The following SIMC1 variants were observed in gnomAD, a reference collection of about 807,000 sequenced individuals.
SIMC1 encodes the protein SUMO interacting motifs containing 1.
SIMC1 carries 55 observed loss-of-function variants against 82.3 expected under a neutral mutation model. The observed-to-expected ratio is 0.67, with a 90% CI of 0.54 to 0.84. The LOEUF is 0.84. Ranked by LOEUF, SIMC1 falls within the 40% of genes least tolerant of loss-of-function variation. The pLI, the probability that SIMC1 is intolerant of heterozygous loss-of-function variation, is 0.00. For synonymous variants in SIMC1, 353 were observed against 426.3 expected (o/e 0.83, Z 2.12); for missense variants, 915 against 1,107.2 (o/e 0.83, Z 2.46).
chr5:176,244,908 A>G (rs1176983822), intron 1 of SIMC1, among the ~76,000 whole-genome samples: 2 of 151,534 alleles, frequency 1.3e-5, no homozygotes, highest in Non-Finnish European at 1.5e-5. Context: ...TTTAGTAGAG[A>G]CAGGGTTTTA....
rs779513922 is a variant in SIMC1, at chr5:176,337,052, ATC to A, written c.2329-6_2329-5del. ...GCATTTATTATCAATCCATTTTACT[ATC>A]TCTGCAGTCAGATAAAAGCCAGTGG... On this transcript the variant is annotated splice_polypyrimidine_tract_variant and splice_region_variant and intron_variant, in intron 8 of 9. Coordinates refer to ENST00000429602, the MANE Select transcript of SIMC1 (RefSeq NM_001308195.2). 22 of 1,613,280 alleles carry A rather than the reference ATC, an allele frequency of 1.4e-5. No individual in the cohort carries two copies. The African/African-American group carries it at 2.1e-4, about 16-fold the overall frequency.
intron 6 of SIMC1, among the ~76,000 whole-genome samples, chr5:176,323,099 G>A (rs777278524): frequency 2.6e-5 from 4 of 152,180 alleles, no homozygotes; most frequent in Non-Finnish European, 4.4e-5. Context: ...AATTCACAAT[G>A]TTATAATCTG....
chr5:176,320,157 A>G (rs540358754), intron 5 of SIMC1, among the ~76,000 whole-genome samples: 1 of 152,272 alleles, frequency 6.6e-6, no homozygotes, highest in South Asian at 2.1e-4. Context: ...TGCATTCAGC[A>G]TGCCTATGTT....
At chr5:176,252,983 T>C (rs1198215579) in intron 1 of SIMC1, among the ~76,000 whole-genome samples, 1 of 152,056 alleles carries the variant, frequency 6.6e-6, no homozygotes, top group Admixed American at 6.5e-5. Context: ...ACCAAAAAAA[T>C]ACGAAAACCA....
chr5:176,343,769 TTTC>T (rs1581341737), intron 9 of SIMC1, among the ~76,000 whole-genome samples: 1 of 151,902 alleles, frequency 6.6e-6, no homozygotes, highest in African/African-American at 2.4e-5. Flanking sequence ...TCACGAAACT[TTTC>T]TTTTTTTGTT....
At chr5:176,252,888 A>G (rs1040338350) in intron 1 of SIMC1, among the ~76,000 whole-genome samples, 18 of 152,338 alleles carry the variant, frequency 1.2e-4, no homozygotes, top group Non-Finnish European at 2.1e-4. Flanking sequence ...CTGCAATCCC[A>G]GCACCTCGGG....
intron 1 of SIMC1, among the ~76,000 whole-genome samples, chr5:176,248,512 G>T (rs1761528296): frequency 6.6e-6 from 1 of 152,118 alleles, no homozygotes. Flanking sequence ...TTTAGGCTGA[G>T]ACGATAGTGT....
intron 5 of SIMC1, among the ~76,000 whole-genome samples, chr5:176,314,904 T>C (rs1187118025): frequency 1.3e-5 from 2 of 152,248 alleles, no homozygotes; most frequent in Non-Finnish European, 2.9e-5. Flanking sequence ...TTCAACACTT[T>C]ATTATAAAAT....
At chr5:176,273,186 G>A (rs1762521985) in intron 1 of SIMC1, among the ~76,000 whole-genome samples, 1 of 152,234 alleles carries the variant, frequency 6.6e-6, no homozygotes, top group Non-Finnish European at 1.5e-5. Context: ...CCTCCCAGTA[G>A]AGGCTGACTG....
At chr5:176,327,275 C>A (rs1376687962) in intron 7 of SIMC1, among the ~76,000 whole-genome samples, 1 of 152,160 alleles carries the variant, frequency 6.6e-6, no homozygotes, top group East Asian at 1.9e-4. Context: ...CTAAAAGATA[C>A]TTTACTTGGC....
Position 176,269,272 on chromosome 5 carries a change from ATATC to A in SIMC1, c.130-20379_130-20376del, listed in dbSNP as rs553671149. ...ATTAAAAAATCAATAAAGTTGATAA[ATATC>A]TAGCTAGATTGATCAGGGATTTAAA... On this transcript the variant is annotated intron_variant, in intron 1 of 9. Transcript: ENST00000429602. Among the ~76,000 whole-genome samples, 9 of 152,314 alleles carry A rather than the reference ATATC, an allele frequency of 5.9e-5. No individual in the cohort carries two copies. The South Asian group carries it at 8.3e-4, about 14-fold the overall frequency.
At chr5:176,249,171 G>A (rs1761557308) in intron 1 of SIMC1, among the ~76,000 whole-genome samples, 4 of 152,232 alleles carry the variant, frequency 2.6e-5, no homozygotes, top group Admixed American at 1.3e-4. Context: ...CATTTCAGAA[G>A]GAATGGTACC....
chr5:176,308,285 C>CGTTCT, intron 4 of SIMC1: 1 of 1,469,802 alleles, frequency 6.8e-7, no homozygotes, highest in Non-Finnish European at 9.5e-7. Flanking sequence ...TGTTCACATT[C>CGTTCT]GTTCTGTCAT....
intron 1 of SIMC1, among the ~76,000 whole-genome samples, chr5:176,264,774 A>G (rs1412951436): frequency 6.6e-6 from 1 of 151,806 alleles, no homozygotes; most frequent in Non-Finnish European, 1.5e-5. Context: ...TTGCTCCCAC[A>G]TTTGATTGTG....
At chr5:176,340,934 G>A (rs1163431639) in intron 9 of SIMC1, among the ~76,000 whole-genome samples, 1 of 152,164 alleles carries the variant, frequency 6.6e-6, no homozygotes. Flanking sequence ...ATCACCTGAG[G>A]TCAGGAGTTC....
At chr5:176,322,155 A>G in intron 5 of SIMC1, 118 bp from the exon 6 acceptor site, 2 of 1,193,142 alleles carry the variant, frequency 1.7e-6, no homozygotes, top group East Asian at 5.2e-5. Context: ...GGCCCAGGTT[A>G]AGGCTATAGT....
chr5:176,323,698 CAT>C (rs1475466696), intron 6 of SIMC1, among the ~76,000 whole-genome samples: 3 of 152,136 alleles, frequency 2.0e-5, no homozygotes, highest in Non-Finnish European at 2.9e-5. Flanking sequence ...TCACAGATAA[CAT>C]GTGTTGCCGG....
chr5:176,305,000 G>A (rs1213290405), intron 4 of SIMC1, among the ~76,000 whole-genome samples: 4 of 135,028 alleles, frequency 3.0e-5, no homozygotes, highest in Admixed American at 7.2e-5. Context: ...CAGCTGCCCC[G>A]TCTGAGAAGT....
In SIMC1 at chr5:176,345,674, A is replaced by G. The variant is rs1766436421; in HGVS notation, c.*229A>G. The G allele has an allele frequency of 3.7e-6, 1 of 266,688 alleles. No homozygotes were observed. Among genetic ancestry groups the G allele is most frequent in the African/African-American group, 2.2e-5 (1 of 45,206 alleles). 16.5% of individuals were successfully genotyped at this position (266,688 alleles called of 1,614,324 possible). ...ACAAGGTATATATATTTTTTAATAA[A>G]TTATTTATCTATACTTTTTTGAAAC... On this transcript the variant is annotated 3_prime_UTR_variant, in exon 10 of 10. Transcript: ENST00000429602.
Sources: gnomAD v4.1 joint callset for allele counts (sites outside exome capture counted in the v4.1 genomes callset) on GRCh38, gnomAD v4.1.1 for gene constraint, MANE v1.5 for transcripts, NCBI Gene and HGNC (gene_info 2026-07-23, HGNC 2026-07-21) for gene names.